WDR70: variants seen among roughly 807,000 people sequenced by gnomAD.
WDR70 encodes WD repeat-containing protein 70.
Under a neutral mutation model 88.6 loss-of-function variants are expected in WDR70, and 53 were observed. The ratio of observed to expected loss-of-function variants is 0.60; its 90% CI spans 0.48 to 0.75. The LOEUF (loss-of-function observed/expected upper bound fraction) is 0.75, where lower values mean the gene tolerates loss of function less well. Among genes scored for constraint, WDR70 ranks in the 30% least tolerant of loss-of-function variants. The probability of loss-of-function intolerance (pLI) is 0.00; values close to 1 mark genes in which losing one functional copy is unlikely to be tolerated. For missense variants in WDR70, 610 were observed against 823.2 expected, an observed-to-expected ratio of 0.74 and a Z score of 3.17; for synonymous variants, 280 against 270.0, an observed-to-expected ratio of 1.04 and a Z score of -0.36.
chr5:37,666,902 T>C (rs1745857531), intron 10 of WDR70, among the ~76,000 whole-genome samples: 1 of 152,212 alleles, frequency 6.6e-6, no homozygotes, highest in African/African-American at 2.4e-5. Flanking sequence ...ATAATAGTAC[T>C]TATCTCTTAG....
rs146645785 is a variant in WDR70 at position 37,478,228 on chromosome 5, C to T, written c.687-1606C>T. 5.3e-5 allele frequency among the ~76,000 whole-genome samples: 8 copies of T among 152,320 alleles called. No homozygotes were observed. The East Asian group carries it at 1.5e-3, about 29-fold the overall frequency. ...GCTCTTAGCAACAGCTATCGAATTC[C>T]TAGTCCTTTTAATTACTTCTCTGTA... On this transcript the variant is annotated intron_variant, in intron 7 of 17. Transcript: ENST00000265107.
At chr5:37,449,506 C>T (rs1165969849) in intron 7 of WDR70, among the ~76,000 whole-genome samples, 4 of 150,650 alleles carry the variant, frequency 2.7e-5, no homozygotes, top group East Asian at 3.9e-4. Context: ...GCAAGAGAAT[C>T]GCTTGAACCC....
intron 10 of WDR70, among the ~76,000 whole-genome samples, chr5:37,659,577 G>A (rs990818898): frequency 5.9e-5 from 9 of 152,058 alleles, no homozygotes; most frequent in African/African-American, 2.4e-5. Context: ...CTTAGCTCAG[G>A]CTGCCATAAC....
At chr5:37,603,712 A>G (rs967446474) in intron 9 of WDR70, among the ~76,000 whole-genome samples, 2 of 152,144 alleles carry the variant, frequency 1.3e-5, no homozygotes, top group Non-Finnish European at 2.9e-5. Flanking sequence ...TATATCTGCC[A>G]TATTGCTTTT....
intron 9 of WDR70, among the ~76,000 whole-genome samples, chr5:37,600,815 A>AT (rs397813629): frequency 2.1e-5 from 1 of 46,852 alleles, no homozygotes; most frequent in Non-Finnish European, 8.2e-5. Flanking sequence ...GTAAAAGGGT[A>AT]CAGCCACTCT....
rs59254502 is a variant in WDR70 at position 37,455,636 on chromosome 5, C to CTTTTTTTTTTTTTTTTTT, written c.686+12266_686+12283dup. Among the ~76,000 whole-genome samples the CTTTTTTTTTTTTTTTTTT allele has an allele frequency of 2.8e-4, 20 of 70,420 alleles. 3 individuals are homozygous for CTTTTTTTTTTTTTTTTTT. Among genetic ancestry groups the CTTTTTTTTTTTTTTTTTT allele is most frequent in the African/African-American group, 6.0e-4 (13 of 21,578 alleles). The allele number at this position is 70,420 out of a possible 152,430, so 46.2% of individuals were successfully genotyped here. ...TTCTCTCGGGTCCAGTTCTCTTTATCTTTTTTTTTTTTTTTTTTTGCCACA... is the reference window on the plus strand; with the variant it reads ...TTCTCTCGGGTCCAGTTCTCTTTATCTTTTTTTTTTTTTTTTTTTTTTTTTTTTTTTTTTTTTGCCACA... On this transcript the variant is annotated intron_variant, in intron 7 of 17. Coordinates refer to ENST00000265107, the MANE Select transcript of WDR70 (RefSeq NM_018034.4).
chr5:37,689,917 C>T (rs961735643), intron 10 of WDR70, among the ~76,000 whole-genome samples: 2 of 152,176 alleles, frequency 1.3e-5, no homozygotes, highest in African/African-American at 2.4e-5. Flanking sequence ...CTTCTCCGAG[C>T]TAAAGGAACA....
At chr5:37,416,801 A>G (rs1001018447) in intron 5 of WDR70, among the ~76,000 whole-genome samples, 2 of 152,040 alleles carry the variant, frequency 1.3e-5, no homozygotes, top group African/African-American at 4.8e-5. Flanking sequence ...GCTGGTCTCA[A>G]ACTCCTCAAG....
chr5:37,489,682 A>G (rs1161690348), intron 8 of WDR70, among the ~76,000 whole-genome samples: 3 of 152,056 alleles, frequency 2.0e-5, no homozygotes, highest in Non-Finnish European at 4.4e-5. Context: ...CCAGTGGGGC[A>G]CAGCAATCCT....
At chr5:37,543,857 C>T (rs1434354086) in intron 9 of WDR70, among the ~76,000 whole-genome samples, 2 of 152,200 alleles carry the variant, frequency 1.3e-5, no homozygotes, top group Non-Finnish European at 2.9e-5. Context: ...CAACCTCCGC[C>T]TCCTGGGTTC....
intron 7 of WDR70, among the ~76,000 whole-genome samples, chr5:37,449,590 C>CAAAAAAAAAAAAAA (rs376148041): frequency 1.2e-5 from 1 of 85,774 alleles, no homozygotes; most frequent in African/African-American, 4.3e-5. Context: ...AATTTTGTCT[C>CAAAAAAAAAAAAAA]AAAAAAAAAA....
intron 17 of WDR70, among the ~76,000 whole-genome samples, chr5:37,734,875 A>T (rs565428575): frequency 9.2e-5 from 14 of 152,216 alleles, no homozygotes; most frequent in Non-Finnish European, 1.6e-4. Context: ...ATTTCCTAAC[A>T]CCGAGCCATC....
chr5:37,687,816 C>T (rs1746656801), intron 10 of WDR70: 2 of 495,718 alleles, frequency 4.0e-6, no homozygotes, highest in South Asian at 3.7e-5. Flanking sequence ...TGTCTTTCTA[C>T]CTTAGAATCC....
chr5:37,427,547 A>G (rs1384698933), intron 5 of WDR70, among the ~76,000 whole-genome samples: 4 of 151,936 alleles, frequency 2.6e-5, no homozygotes, highest in Non-Finnish European at 4.4e-5. Context: ...TTTATTCCTA[A>G]TAGGATTCTC....
intron 9 of WDR70, among the ~76,000 whole-genome samples, chr5:37,539,700 C>G (rs1741759914): frequency 1.3e-5 from 2 of 152,196 alleles, no homozygotes; most frequent in African/African-American, 4.8e-5. Context: ...TGTTCAGGGT[C>G]CCTTGTTGTT....
At chr5:37,519,094 A>T (rs922977491) in intron 9 of WDR70, among the ~76,000 whole-genome samples, 1 of 152,184 alleles carries the variant, frequency 6.6e-6, no homozygotes, top group South Asian at 2.1e-4. Context: ...TTCTTTCTAC[A>T]TAGACACAGT....
At chr5:37,466,845 A>G (rs1322754075) in intron 7 of WDR70, among the ~76,000 whole-genome samples, 1 of 152,156 alleles carries the variant, frequency 6.6e-6, no homozygotes, top group Non-Finnish European at 1.5e-5. Flanking sequence ...TCGTCATGTA[A>G]AGTTCTGTTG....
chr5:37,541,170 C>T (rs1470607235), intron 9 of WDR70, among the ~76,000 whole-genome samples: 1 of 152,200 alleles, frequency 6.6e-6, no homozygotes. Context: ...AGTCCCTTCA[C>T]TGTGAGTGAC....
chr5:37,602,559 G>A (rs1743917461), intron 9 of WDR70, among the ~76,000 whole-genome samples: 1 of 151,760 alleles, frequency 6.6e-6, no homozygotes. Context: ...CTGGGAGGCG[G>A]AGGCTGCAGT....
Sources: gnomAD v4.1 joint callset for allele counts (sites outside exome capture counted in the v4.1 genomes callset) on GRCh38, gnomAD v4.1.1 for gene constraint, MANE v1.5 for transcripts, NCBI Gene and HGNC (gene_info 2026-07-23, HGNC 2026-07-21) for gene names.